The following MGME1 variants were observed in gnomAD, a reference collection of about 807,000 sequenced individuals.
MGME1 encodes the protein chromosome 20 open reading frame 72.
A neutral mutation model predicts 33.0 loss-of-function variants in MGME1; 22 were observed. That is an observed-to-expected ratio of 0.67 (90% CI 0.48 to 0.95). MGME1 has a LOEUF of 0.95. Ranked by LOEUF, MGME1 falls within the 40% of genes least tolerant of loss-of-function variation. The pLI is 0.00. For synonymous variants in MGME1, 133 were observed against 144.0 expected (o/e 0.92, Z 0.55); for missense variants, 383 against 397.8 (o/e 0.96, Z 0.32).
Position 17,990,201 on chromosome 20 carries a change from T to C in MGME1, c.*92T>C. 9.6e-7 allele frequency: 1 copy of C among 1,037,562 alleles called. No individual in the cohort carries two copies. Among genetic ancestry groups the C allele is most frequent in the South Asian group, 1.3e-5 (1 of 76,410 alleles). 64.3% of individuals were successfully genotyped at this position (1,037,562 alleles called of 1,614,324 possible). A position where few individuals can be genotyped will look rare whatever the true frequency, so the allele number is the denominator to read the frequency against. ...CTCCAGTGTAAAAATGAGGTGCCAC[T>C]GGATCTGAGTGCTACACGAACACAA... On this transcript the variant is annotated 3_prime_UTR_variant, in exon 5 of 5. Coordinates refer to ENST00000377710, the MANE Select transcript of MGME1 (RefSeq NM_052865.4).
intron 3 of MGME1, among the ~76,000 whole-genome samples, chr20:17,986,275 G>A (rs2122609595): frequency 6.6e-6 from 1 of 151,992 alleles, no homozygotes; most frequent in East Asian, 1.9e-4. Flanking sequence ...CACCATGTTG[G>A]CCAGGCTGGT....
chr20:17,986,190 T>C (rs1286079073), intron 3 of MGME1, among the ~76,000 whole-genome samples: 2 of 152,096 alleles, frequency 1.3e-5, no homozygotes, highest in Admixed American at 6.6e-5. Context: ...TGCCTCAGCC[T>C]CCCGAGTAGC....
rs2036253332 is a variant in MGME1 at position 17,989,993 on chromosome 20, C to A, written c.919C>A (p.His307Asn). The change falls in exon 5 of 5, where the codon CAT (histidine) becomes AAT (asparagine). Residue 307 changes from histidine to asparagine, a missense_variant. By Grantham distance (68) the His-to-Asn change is moderately conservative (BLOSUM62 1). Transcript: ENST00000377710. ...CAAAGATGGATCACCTGCCCACCCACATTTCATGGATGCAGAGCTCTGTTC... is the reference window on the plus strand; with the variant it reads ...CAAAGATGGATCACCTGCCCACCCAAATTTCATGGATGCAGAGCTCTGTTC... ...AYKDGSPAHPHFMDAELCSQY... is the reference protein window; with the variant it reads ...AYKDGSPAHPNFMDAELCSQY... 1.9e-6 allele frequency: 3 copies of A among 1,614,044 alleles called. No homozygotes were observed. The highest frequency in any genetic ancestry group is 2.5e-6 in the Non-Finnish European group (3 of 1,180,030).
chr20:17,983,103 T>G (rs774315479), intron 3 of MGME1, among the ~76,000 whole-genome samples: 1 of 152,176 alleles, frequency 6.6e-6, no homozygotes, highest in East Asian at 1.9e-4. Flanking sequence ...CATTCTACTC[T>G]CTCTCTTTCT....
chr20:17,988,258 ACATGGGTGC>A lies in MGME1; in HGVS notation c.829_837del (p.Gly277_Met279del), dbSNP rs1345111762. The stretch of plus-strand genomic sequence containing the variant: ...GACAACCCACTGCAAGTTGTGGCAT[ACATGGGTGC>A]CATGAACCATGATACCAACTACAGC... On this transcript the variant is annotated inframe_deletion, in exon 4 of 5. Transcript: ENST00000377710. The A allele has an allele frequency of 1.9e-6, 3 of 1,613,942 alleles. No individual in the cohort carries two copies. The highest frequency in any genetic ancestry group is 2.5e-6 in the Non-Finnish European group (3 of 1,179,914).
chr20:17,986,787 G>A (rs2036163871), intron 3 of MGME1, among the ~76,000 whole-genome samples: 1 of 151,736 alleles, frequency 6.6e-6, no homozygotes, highest in South Asian at 2.1e-4. Context: ...ATCATTTTCA[G>A]TTTCTTTCAT....
Position 17,990,413 on chromosome 20 carries a change from G to GGC in MGME1, c.*305_*306insCG. 1 of 270,608 alleles carries GGC rather than the reference G, an allele frequency of 3.7e-6. No homozygotes were observed. Among genetic ancestry groups the GGC allele is most frequent in the Non-Finnish European group, 6.7e-6 (1 of 149,436 alleles). The allele number at this position is 270,608 out of a possible 1,614,324, so 16.8% of individuals were successfully genotyped here. ...CTTGTACTCCCTTGAGGGACATTGG[G>GGC]GGGGGGGGGGCGTGGTCCCAGGCAG... On this transcript the variant is annotated 3_prime_UTR_variant, in exon 5 of 5. Coordinates refer to ENST00000377710, the MANE Select transcript of MGME1 (RefSeq NM_052865.4).
At chr20:17,974,435 G>GT (rs2122516091) in intron 2 of MGME1, among the ~76,000 whole-genome samples, 1 of 152,236 alleles carries the variant, frequency 6.6e-6, no homozygotes, top group Non-Finnish European at 1.5e-5. Flanking sequence ...AACGAGCACT[G>GT]AAAATGAGGA....
intron 3 of MGME1, among the ~76,000 whole-genome samples, chr20:17,979,639 A>G (rs1394718618): frequency 7.0e-6 from 1 of 143,264 alleles, no homozygotes; most frequent in Non-Finnish European, 1.5e-5. Context: ...AATGGTCTCG[A>G]TCTCCTGACC....
Position 17,975,984 on chromosome 20 carries a change from CTCTG to C in MGME1, c.731+87_731+90del, listed in dbSNP as rs1381717058. On this transcript the variant is annotated intron_variant, in intron 3 of 4. Coordinates refer to ENST00000377710, the MANE Select transcript of MGME1 (RefSeq NM_052865.4). ...AAGGTGTGCCTGTAGGTACTGTAGC[CTCTG>C]TCTGTTTAATGTCCAGACCTTTGTG... 5.2e-6 allele frequency: 6 copies of C among 1,151,050 alleles called. No individual in the cohort carries two copies. In the African/African-American group the frequency reaches 7.6e-5, roughly 15 times the overall value. The allele number at this position is 1,151,050 out of a possible 1,614,324, so 71.3% of individuals were successfully genotyped here.
chr20:17,985,753 C>T (rs998841479), intron 3 of MGME1, among the ~76,000 whole-genome samples: 3 of 152,158 alleles, frequency 2.0e-5, no homozygotes, highest in Non-Finnish European at 4.4e-5. Context: ...TTATAGTTGC[C>T]AGCAGTATTC....
chr20:17,975,426 G>A lies in MGME1; in HGVS notation c.512-258G>A, dbSNP rs532867939. 1.1e-4 allele frequency among the ~76,000 whole-genome samples: 17 copies of A among 151,910 alleles called. No individual in the cohort carries two copies. In the South Asian group the frequency reaches 1.9e-3, roughly 17 times the overall value. ...AGAAAAATTAGCCAGGCACGGTGGC[G>A]GGCGCCTGTAATCCCAGCTACTCAG... On this transcript the variant is annotated intron_variant, in intron 2 of 4. Coordinates refer to ENST00000377710, the MANE Select transcript of MGME1 (RefSeq NM_052865.4).
chr20:17,981,648 CGTGTGTGTGTGTGT>C (rs10677204), intron 3 of MGME1, among the ~76,000 whole-genome samples: 6 of 139,810 alleles, frequency 4.3e-5, no homozygotes, highest in Admixed American at 2.2e-4. Flanking sequence ...ATCTACTACT[CGTGTGTGTGTGTGT>C]GTGTGTGTGT....
chr20:17,984,720 A>T lies in MGME1; in HGVS notation c.732-3446A>T, dbSNP rs185464844. Among the ~76,000 whole-genome samples, 146 of 152,288 alleles carry T rather than the reference A, an allele frequency of 9.6e-4. 2 individuals carry two copies. The highest frequency in any genetic ancestry group is 1.6e-3 in the Non-Finnish European group (108 of 68,028). On this transcript the variant is annotated intron_variant, in intron 3 of 4. Coordinates refer to ENST00000377710, the MANE Select transcript of MGME1 (RefSeq NM_052865.4). ...GGGTAAAAAATAATTTTAATAATAG[A>T]AAAAGCATGTAGAATAAAGATATCA...
At chr20:17,968,659 G>A (rs1458410041), upstream of MGME1, 22 of 601,950 alleles carry the variant, frequency 3.7e-5, no homozygotes, top group Admixed American at 7.4e-5. Context: ...CCCCGCTGCC[G>A]TCCATCTTGG....
chr20:17,990,218 C>T lies in MGME1; in HGVS notation c.*109C>T, dbSNP rs1390621859. On this transcript the variant is annotated 3_prime_UTR_variant, in exon 5 of 5. Coordinates refer to ENST00000377710, the MANE Select transcript of MGME1 (RefSeq NM_052865.4). ...GGTGCCACTGGATCTGAGTGCTACA[C>T]GAACACAAGTAGAAGTATTAATTTG... is the stretch of plus-strand genomic sequence containing the variant. 9 of 897,078 alleles carry T rather than the reference C, an allele frequency of 1.0e-5. No homozygotes were observed. The highest frequency in any genetic ancestry group is 2.8e-5 in the South Asian group (2 of 70,460). 55.6% of individuals were successfully genotyped at this position (897,078 alleles called of 1,614,324 possible).
At chr20:17,975,041 C>G (rs1187111316) in intron 2 of MGME1, among the ~76,000 whole-genome samples, 1 of 152,166 alleles carries the variant, frequency 6.6e-6, no homozygotes, top group Non-Finnish European at 1.5e-5. Flanking sequence ...AGCCAGTTAA[C>G]TTATTACATT....
At chr20:17,973,934 G>A (rs1374434574) in intron 2 of MGME1, among the ~76,000 whole-genome samples, 2 of 152,192 alleles carry the variant, frequency 1.3e-5, no homozygotes, top group East Asian at 3.9e-4. Context: ...GGGTTGTTGG[G>A]TTTGAAAATT....
intron 3 of MGME1, among the ~76,000 whole-genome samples, chr20:17,985,088 G>T (rs1049432099): frequency 6.7e-6 from 1 of 148,860 alleles, no homozygotes; most frequent in Non-Finnish European, 1.5e-5. Flanking sequence ...ATAGTTGTAC[G>T]ATGTGTTTGT....
Sources: allele counts gnomAD v4.1 joint callset (sites outside exome capture counted in the v4.1 genomes callset), GRCh38; gene constraint gnomAD v4.1.1; transcripts MANE v1.5; gene names NCBI Gene and HGNC (gene_info 2026-07-23, HGNC 2026-07-21).